The following IGF1R variants were observed in gnomAD, a reference collection of about 807,000 sequenced individuals.
IGF1R encodes insulin-like growth factor 1 receptor.
A neutral mutation model predicts 144.6 loss-of-function variants in IGF1R; 44 were observed. The observed-to-expected ratio is 0.30, with a 90% CI of 0.24 to 0.39. The LOEUF is 0.39. Among genes scored for constraint, IGF1R ranks in the 10% least tolerant of loss-of-function variants. The pLI, the probability that IGF1R is intolerant of heterozygous loss-of-function variation, is 1.00. For missense variants in IGF1R, 1,355 were observed against 1,833.7 expected, an observed-to-expected ratio of 0.74 and a Z score of 4.77; for synonymous variants, 795 against 722.8, an observed-to-expected ratio of 1.10 and a Z score of -1.60.
At chr15:98,823,563 C>T (rs2684765) in intron 2 of IGF1R, among the ~76,000 whole-genome samples, 11,532 of 152,214 alleles carry the variant, frequency 0.076, 868 homozygotes, top group African/African-American at 0.19. Context: ...TCTACCAGTA[C>T]GGCCAAAACC....
In IGF1R at chr15:98,768,287, T is replaced by C. The variant is rs541619704; in HGVS notation, c.640+60180T>C. ...TTCGTTGGATGCCCTTTCTACACTT[T>C]GGCATTGTGCAAGAGGTATCAAATT... On this transcript the variant is annotated intron_variant, in intron 2 of 20. Transcript: ENST00000650285. Among the ~76,000 whole-genome samples the C allele has an allele frequency of 3.3e-5, 5 of 152,270 alleles. No homozygotes were observed. The South Asian group carries it at 8.3e-4, about 25-fold the overall frequency.
chr15:98,761,065 C>G (rs1041675508), intron 2 of IGF1R, among the ~76,000 whole-genome samples: 2 of 152,252 alleles, frequency 1.3e-5, no homozygotes, highest in Non-Finnish European at 2.9e-5. Flanking sequence ...CTAAACACCA[C>G]CTGGCCTCTG....
In IGF1R at chr15:98,649,616, C is replaced by G. The variant is rs774479139; in HGVS notation, c.35C>G (p.Ser12Trp). The G allele has an allele frequency of 6.2e-7, 1 of 1,608,142 alleles. No homozygotes were observed. The highest frequency in any genetic ancestry group is 8.5e-7 in the Non-Finnish European group (1 of 1,178,422). ...KSGSGGGSPT[S>W]LWGLLFLSAA... is the part of the protein sequence containing the mutation. ...GGCTCCGGAGGAGGGTCCCCGACCT[C>G]GCTGTGGGGGCTCCTGTTTCTCTCC... Residue 12 changes from serine to tryptophan, a missense_variant, in exon 1 of 21, where the codon TCG (serine) becomes TGG (tryptophan). Around this residue, in one of 7 missense-constraint regions of IGF1R, gnomAD observed 49 missense variants for 34.7 expected, o/e 1.41. Coordinates refer to ENST00000650285, the MANE Select transcript of IGF1R (RefSeq NM_000875.5).
intron 2 of IGF1R, among the ~76,000 whole-genome samples, chr15:98,760,643 C>T (rs2055272618): frequency 6.6e-6 from 1 of 152,174 alleles, no homozygotes; most frequent in African/African-American, 2.4e-5. Flanking sequence ...AACGGGGCGT[C>T]TGCCAGGGGT....
At chr15:98,737,591 A>C (rs958081245) in intron 2 of IGF1R, among the ~76,000 whole-genome samples, 1 of 152,222 alleles carries the variant, frequency 6.6e-6, no homozygotes, top group Admixed American at 6.5e-5. Context: ...TTTTTTAAAA[A>C]TTTAATTTAA....
intron 2 of IGF1R, among the ~76,000 whole-genome samples, chr15:98,855,069 C>G (rs1435926670): frequency 2.6e-5 from 4 of 152,202 alleles, no homozygotes; most frequent in Non-Finnish European, 5.9e-5. Context: ...TGTACTATTT[C>G]CTTGTTTGTT....
chr15:98,701,192 ATTAGAG>A (rs1026469074), intron 1 of IGF1R, among the ~76,000 whole-genome samples: 6 of 152,170 alleles, frequency 3.9e-5, no homozygotes, highest in Non-Finnish European at 7.3e-5. Context: ...GGATTTTACC[ATTAGAG>A]TTAAAGATGA....
chr15:98,863,107 C>T (rs761520491), intron 2 of IGF1R, among the ~76,000 whole-genome samples: 5 of 152,132 alleles, frequency 3.3e-5, no homozygotes, highest in Non-Finnish European at 7.3e-5. Flanking sequence ...TTTAGTCATT[C>T]ACGAAGTTCG....
Position 98,919,122 on chromosome 15 carries a change from A to G in IGF1R, c.2201+2246A>G, listed in dbSNP as rs536478237. On this transcript the variant is annotated intron_variant, in intron 10 of 20. Coordinates refer to ENST00000650285, the MANE Select transcript of IGF1R (RefSeq NM_000875.5). ...AAAGAGGTTTGGAAACTGGAACTCA[A>G]TGAGGTTTGGTGACTTCTCTGACAT... Among the ~76,000 whole-genome samples the G allele has an allele frequency of 2.6e-5, 4 of 152,324 alleles. No individual in the cohort carries two copies. The East Asian group carries it at 5.8e-4, about 22-fold the overall frequency.
At position 98,905,808 on chromosome 15, in the gene IGF1R, G is replaced by A. The variant is rs191609049; in HGVS notation, c.1248-2877G>A. On this transcript the variant is annotated intron_variant, in intron 5 of 20. Transcript: ENST00000650285. ...TTCAGGAAACAATGATAACTTTAGC[G>A]TATGCATATTTTAAAGATGTGCAGA... is the stretch of plus-strand genomic sequence containing the variant. 2.6e-3 allele frequency among the ~76,000 whole-genome samples: 397 copies of A among 152,266 alleles called. 2 individuals carry two copies. Among genetic ancestry groups the A allele is most frequent in the African/African-American group, 8.5e-3 (352 of 41,536 alleles).
chr15:98,876,314 T>TAAAAAA (rs35359680), intron 2 of IGF1R, among the ~76,000 whole-genome samples: 1 of 143,810 alleles, frequency 7.0e-6, no homozygotes, highest in Non-Finnish European at 1.5e-5. Context: ...TATTAAGAGT[T>TAAAAAA]AAAAAAAAAA....
At chr15:98,848,511 C>T (rs2137678) in intron 2 of IGF1R, among the ~76,000 whole-genome samples, 2 of 152,152 alleles carry the variant, frequency 1.3e-5, no homozygotes. Context: ...TTGTTTCTTT[C>T]CCTTGCTTAT....
chr15:98,913,871 A>G (rs1055243840), intron 8 of IGF1R, among the ~76,000 whole-genome samples: 1 of 152,262 alleles, frequency 6.6e-6, no homozygotes, highest in African/African-American at 2.4e-5. Flanking sequence ...AGTTTCCAGT[A>G]TATAAAAACT....
intron 4 of IGF1R, 95 bp downstream of exon 4, chr15:98,897,000 A>G (rs2014232717): frequency 8.6e-7 from 1 of 1,163,136 alleles, no homozygotes; most frequent in Non-Finnish European, 1.3e-6. Context: ...CCACTAAAAT[A>G]TGGGCTTAGA....
intron 2 of IGF1R, among the ~76,000 whole-genome samples, chr15:98,747,584 A>G (rs1388898510): frequency 1.3e-5 from 2 of 152,326 alleles, no homozygotes; most frequent in South Asian, 2.1e-4. Flanking sequence ...CCCTCTGACG[A>G]CTAAATCTTA....
chr15:98,882,694 T>C (rs1478134429), intron 2 of IGF1R, among the ~76,000 whole-genome samples: 1 of 151,990 alleles, frequency 6.6e-6, no homozygotes, highest in Non-Finnish European at 1.5e-5. Flanking sequence ...GGGGTGAAAA[T>C]ATGTAACTCC....
intron 4 of IGF1R, 36 bp downstream of exon 4, chr15:98,896,941 C>T (rs774104378): frequency 1.1e-5 from 18 of 1,608,332 alleles, no homozygotes; most frequent in African/African-American, 2.7e-5. Flanking sequence ...ACGGCTAGAT[C>T]TCATGGTTTT....
At chr15:98,922,702 C>G (rs1229645381) in intron 11 of IGF1R, among the ~76,000 whole-genome samples, 2 of 152,230 alleles carry the variant, frequency 1.3e-5, no homozygotes, top group Non-Finnish European at 2.9e-5. Flanking sequence ...CCTCCACCTG[C>G]TACTTGGTGC....
Position 98,962,374 on chromosome 15 carries a change from A to C in IGF1R, c.*4932A>C, listed in dbSNP as rs2017260230. On this transcript the variant is annotated 3_prime_UTR_variant, in exon 21 of 21. Transcript: ENST00000650285. ...GCTGTCTTCATTTCCTGGGCTAAGC[A>C]GCATTGGGAGATGTGGACCAGAGAT... The C allele has an allele frequency of 8.6e-6, 2 of 233,648 alleles. No individual in the cohort carries two copies. Among genetic ancestry groups the C allele is most frequent in the African/African-American group, 2.2e-5 (1 of 45,464 alleles). The allele number at this position is 233,648 out of a possible 1,614,324, so 14.5% of individuals were successfully genotyped here. A position where few individuals can be genotyped will look rare whatever the true frequency, so the allele number is the denominator to read the frequency against.
Sources: allele counts gnomAD v4.1 joint callset (sites outside exome capture counted in the v4.1 genomes callset), GRCh38; gene constraint gnomAD v4.1.1; regional missense constraint gnomAD v4.1.1; transcripts MANE v1.5; gene names NCBI Gene and HGNC (gene_info 2026-07-23, HGNC 2026-07-21).